SV2B: variants seen among roughly 807,000 people sequenced by gnomAD.
SV2B encodes synaptic vesicle glycoprotein 2B.
In SV2B, 41 loss-of-function variants were observed where a neutral mutation model predicts 73.9. The ratio of observed to expected loss-of-function variants is 0.56; its 90% confidence interval spans 0.43 to 0.72. The LOEUF is 0.72. SV2B is among the 30% of genes least tolerant of loss of function. SV2B has a pLI of 0.00. For missense variants in SV2B, 764 were observed against 857.8 expected (o/e 0.89, Z 1.37); for synonymous variants, 314 against 314.2 (o/e 1.00, Z 0.01).
At chr15:91,275,008 A>G (rs1338778409) in intron 9 of SV2B, among the ~76,000 whole-genome samples, 2 of 151,998 alleles carry the variant, frequency 1.3e-5, no homozygotes, top group Admixed American at 1.3e-4. Flanking sequence ...CTTTCAATTT[A>G]TGTATATTTT....
chr15:91,262,997 G>T (rs2047964795), intron 6 of SV2B, among the ~76,000 whole-genome samples: 1 of 152,300 alleles, frequency 6.6e-6, no homozygotes, highest in Middle Eastern at 3.4e-3. Flanking sequence ...TTCTGTCTCT[G>T]CCTCCAGTCT....
intron 1 of SV2B, among the ~76,000 whole-genome samples, chr15:91,163,043 T>C (rs563440272): frequency 9.2e-5 from 14 of 152,276 alleles, no homozygotes; most frequent in African/African-American, 3.1e-4. Context: ...AATAATTTGC[T>C]CAGAATGATG....
intron 1 of SV2B, among the ~76,000 whole-genome samples, chr15:91,152,690 A>G (rs2043350955): frequency 6.6e-6 from 1 of 152,156 alleles, no homozygotes; most frequent in African/African-American, 2.4e-5. Flanking sequence ...TGTTACCTTT[A>G]AAAAAGGGAA....
intron 1 of SV2B, among the ~76,000 whole-genome samples, chr15:91,169,039 T>C (rs781524903): frequency 2.0e-5 from 3 of 152,158 alleles, no homozygotes; most frequent in Non-Finnish European, 4.4e-5. Flanking sequence ...ATGACCCCTG[T>C]AGATATTTAT....
chr15:91,173,258 G>A (rs1415695419), intron 1 of SV2B, among the ~76,000 whole-genome samples: 1 of 152,188 alleles, frequency 6.6e-6, no homozygotes, highest in Non-Finnish European at 1.5e-5. Flanking sequence ...AGCCGATAAA[G>A]CTGGAGTAGA....
Position 91,129,669 on chromosome 15 carries a change from C to T in SV2B, c.-392+29306C>T, listed in dbSNP as rs756401859. Among the ~76,000 whole-genome samples the T allele has an allele frequency of 9.9e-5, 15 of 152,284 alleles. No homozygotes were observed. Among genetic ancestry groups the T allele is most frequent in the Middle Eastern group, 3.4e-3 (1 of 294 alleles). ...GCAGTGGTAGGTATGAGGGAGCCAG[C>T]GGAGGCTTCTTTGGAGGCGATCTGT... On this transcript the variant is annotated intron_variant, in intron 1 of 12. Coordinates refer to ENST00000394232, the MANE Select transcript of SV2B (RefSeq NM_001323032.3). This position sits in a 1 kb window ranked among gnomAD's most constrained non-coding sequence, Gnocchi z 5.1.
intron 1 of SV2B, among the ~76,000 whole-genome samples, chr15:91,125,800 A>AAAAAAAAAAAAAAAAAAAAC (rs2042464712): frequency 6.7e-6 from 1 of 150,342 alleles, no homozygotes; most frequent in Non-Finnish European, 1.5e-5. Flanking sequence ...AAAAAAAAAA[A>AAAAAAAAAAAAAAAAAAAAC]TTCAGTCATT....
In SV2B at chr15:91,258,653, G is replaced by C; in HGVS notation, c.918+99G>C. 1 of 1,542,514 alleles carries C rather than the reference G, an allele frequency of 6.5e-7. No homozygotes were observed. Among genetic ancestry groups the C allele is most frequent in the Non-Finnish European group, 8.8e-7 (1 of 1,140,924 alleles). Reference sequence around the variant, plus strand: ...AGCTCCTAGTCCCACATCCTCTGCTGCTTATGTGTTGCAAACTCTCCCCTG... The same window carrying C: ...AGCTCCTAGTCCCACATCCTCTGCTCCTTATGTGTTGCAAACTCTCCCCTG... On this transcript the variant is annotated intron_variant, in intron 5 of 12. Coordinates refer to ENST00000394232, the MANE Select transcript of SV2B (RefSeq NM_001323032.3). This position sits in a 1 kb window ranked among gnomAD's most constrained non-coding sequence, Gnocchi z 4.7.
chr15:91,247,147 C>G (rs1469017773), intron 2 of SV2B, among the ~76,000 whole-genome samples: 5 of 152,252 alleles, frequency 3.3e-5, no homozygotes, highest in South Asian at 4.1e-4. Context: ...TCTCTGGTAC[C>G]TCCATGACCT....
chr15:91,249,796 C>T (rs2047410222), intron 2 of SV2B, among the ~76,000 whole-genome samples: 1 of 152,126 alleles, frequency 6.6e-6, no homozygotes, highest in Non-Finnish European at 1.5e-5. Flanking sequence ...AACATGCAAT[C>T]CGCCAACACT....
In SV2B at chr15:91,240,030, T is replaced by C. The variant is rs376111823; in HGVS notation, c.452-11789T>C. 1.5e-4 allele frequency among the ~76,000 whole-genome samples: 23 copies of C among 152,300 alleles called. No individual in the cohort carries two copies. The highest frequency in any genetic ancestry group is 5.1e-4 in the African/African-American group (21 of 41,554). ...ATGAACTATGATTGATCCCTTAGGG[T>C]TGAGTGTGTCTGAGGAGGCAATCTC... On this transcript the variant is annotated intron_variant, in intron 2 of 12. Transcript: ENST00000394232. This position sits in a 1 kb window ranked among gnomAD's most constrained non-coding sequence, Gnocchi z 4.6.
In SV2B at chr15:91,294,592, A is replaced by G. The variant is rs1443939111; in HGVS notation, c.*2040A>G. The G allele has an allele frequency of 1.3e-5, 2 of 151,854 alleles. No individual in the cohort carries two copies. The highest frequency in any genetic ancestry group is 2.9e-5 in the Non-Finnish European group (2 of 68,044). The allele number at this position is 151,854 out of a possible 1,614,324, so 9.4% of individuals were successfully genotyped here. ...ATATGAATACAGTGGCTAGGTTCAT[A>G]AAAGAGAATTGTGTGAGTCTGGGAT... On this transcript the variant is annotated 3_prime_UTR_variant, in exon 13 of 13. Transcript: ENST00000394232. The surrounding 1 kb of genome is among the most constrained non-coding windows in gnomAD (Gnocchi z 4.1).
rs2042701028 is a variant in SV2B, at chr15:91,132,942, TAAG to T, written c.-392+32580_-392+32582del. 2.0e-5 allele frequency among the ~76,000 whole-genome samples: 3 copies of T among 152,216 alleles called. No individual in the cohort carries two copies. The highest frequency in any genetic ancestry group is 4.4e-5 in the Non-Finnish European group (3 of 68,032). ...CATTTCACTTAAGGCCAGTGCATAA[TAAG>T]GGCTAAAAGACTAAAGACTATTGGG... is the stretch of plus-strand genomic sequence containing the variant. On this transcript the variant is annotated intron_variant, in intron 1 of 12. Transcript: ENST00000394232. This position sits in a 1 kb window ranked among gnomAD's most constrained non-coding sequence, Gnocchi z 4.6.
chr15:91,179,847 A>G (rs1348452814), intron 1 of SV2B, among the ~76,000 whole-genome samples: 1 of 151,824 alleles, frequency 6.6e-6, no homozygotes, highest in African/African-American at 2.4e-5. Context: ...TCTTTATCCA[A>G]TTTGCCAGTC....
chr15:91,115,766 A>G lies in SV2B; in HGVS notation c.-392+15403A>G, dbSNP rs749928424. ...CCTAGTCTTGCATTTTAAGAATTAAACTATGCAAAATTCAAAGATATAATT... is the reference window on the plus strand; with the variant it reads ...CCTAGTCTTGCATTTTAAGAATTAAGCTATGCAAAATTCAAAGATATAATT... On this transcript the variant is annotated intron_variant, in intron 1 of 12. Coordinates refer to ENST00000394232, the MANE Select transcript of SV2B (RefSeq NM_001323032.3). This position sits in a 1 kb window ranked among gnomAD's most constrained non-coding sequence, Gnocchi z 4.3. 1.2e-4 allele frequency among the ~76,000 whole-genome samples: 19 copies of G among 152,130 alleles called. No homozygotes were observed. The highest frequency in any genetic ancestry group is 5.9e-4 in the Admixed American group (9 of 15,272).
At chr15:91,171,139 A>G (rs948969200) in intron 1 of SV2B, among the ~76,000 whole-genome samples, 1 of 152,058 alleles carries the variant, frequency 6.6e-6, no homozygotes, top group African/African-American at 2.4e-5. Context: ...CTTAACTATT[A>G]TGCTATGGAA....
At chr15:91,189,544 G>A (rs1419419898) in intron 1 of SV2B, among the ~76,000 whole-genome samples, 1 of 152,052 alleles carries the variant, frequency 6.6e-6, no homozygotes, top group Non-Finnish European at 1.5e-5. Flanking sequence ...AAGTACCTTA[G>A]CACTACAATC....
At chr15:91,180,928 G>T (rs563733596) in intron 1 of SV2B, among the ~76,000 whole-genome samples, 1 of 152,342 alleles carries the variant, frequency 6.6e-6, no homozygotes, top group East Asian at 1.9e-4. Flanking sequence ...TTGTTCCGTT[G>T]CTGGTGAGGA....
chr15:91,282,822 G>A (rs2048725824), intron 10 of SV2B, among the ~76,000 whole-genome samples: 1 of 152,130 alleles, frequency 6.6e-6, no homozygotes, highest in African/African-American at 2.4e-5. Flanking sequence ...TAAATATTCT[G>A]GAGTCTCTTA....
Sources: allele counts gnomAD v4.1 joint callset (sites outside exome capture counted in the v4.1 genomes callset), GRCh38; gene constraint gnomAD v4.1.1; non-coding constraint Gnocchi (gnomAD v3.1); transcripts MANE v1.5; gene names NCBI Gene and HGNC (gene_info 2026-07-23, HGNC 2026-07-21).